Variants in DUSP22 observed in about 807,000 individuals in gnomAD.
DUSP22 encodes dual specificity phosphatase 22.
DUSP22 carries 24 observed loss-of-function variants against 24.5 expected under a neutral mutation model. The observed-to-expected ratio is 0.98, with a 90% confidence interval of 0.71 to 1.38. The LOEUF is 1.38. Among genes scored for constraint, DUSP22 ranks in the 40% most tolerant of loss-of-function variants. DUSP22 has a pLI of 0.00. For synonymous variants in DUSP22, 160 were observed against 106.4 expected (o/e 1.50, Z -3.10); for missense variants, 330 against 269.2 (o/e 1.23, Z -1.58).
intron 3 of DUSP22, among the ~76,000 whole-genome samples, chr6:316,912 T>C (rs990269604): frequency 6.6e-6 from 1 of 152,306 alleles, no homozygotes; most frequent in African/African-American, 2.4e-5. Flanking sequence ...ATTGTATGTA[T>C]ATACCAGGTA....
intron 1 of DUSP22, among the ~76,000 whole-genome samples, chr6:298,847 C>T (rs1429280371): frequency 2.0e-5 from 3 of 152,296 alleles, no homozygotes; most frequent in African/African-American, 4.8e-5. Context: ...CATTAGGAGA[C>T]AAGACAGATG....
chr6:311,771 A>G, intron 2 of DUSP22, 109 bp from the exon 3 acceptor site: 1 of 1,229,898 alleles, frequency 8.1e-7, no homozygotes, highest in South Asian at 1.6e-5. Flanking sequence ...AAGTTTCAGG[A>G]AAGAAATATG....
intron 1 of DUSP22, among the ~76,000 whole-genome samples, chr6:299,483 G>C (rs1224221831): frequency 2.6e-5 from 4 of 152,296 alleles, no homozygotes; most frequent in Admixed American, 6.5e-5. Context: ...CTTTTATTTA[G>C]TCTCCTTGAA....
intron 1 of DUSP22, among the ~76,000 whole-genome samples, chr6:293,859 G>T (rs1757206032): frequency 7.3e-6 from 1 of 137,170 alleles, no homozygotes; most frequent in South Asian, 2.2e-4. Context: ...CTCTCTCTTG[G>T]ATAAATACTT....
At chr6:347,298 T>C (rs1759930193) in intron 5 of DUSP22, among the ~76,000 whole-genome samples, 1 of 152,304 alleles carries the variant, frequency 6.6e-6, no homozygotes, top group South Asian at 2.1e-4. Flanking sequence ...TTTGAATATG[T>C]GTAGGCCTGA....
intron 3 of DUSP22, among the ~76,000 whole-genome samples, chr6:333,251 C>T (rs1350627868): frequency 2.6e-5 from 4 of 152,300 alleles, no homozygotes; most frequent in Admixed American, 2.6e-4. Context: ...TGCTGCCTCA[C>T]TTTCCTCTTC....
chr6:343,887 C>G (rs1307216504), intron 4 of DUSP22, among the ~76,000 whole-genome samples: 1 of 152,304 alleles, frequency 6.6e-6, no homozygotes, highest in Non-Finnish European at 1.5e-5. Flanking sequence ...TACAGTTTAT[C>G]AGAGTCCCTG....
At chr6:301,923 A>G (rs1429853970) in intron 1 of DUSP22, among the ~76,000 whole-genome samples, 3 of 152,308 alleles carry the variant, frequency 2.0e-5, no homozygotes, top group Admixed American at 6.5e-5. Flanking sequence ...TTAATTTTAA[A>G]GATAATATAA....
chr6:319,212 G>A (rs1758474807), intron 3 of DUSP22, among the ~76,000 whole-genome samples: 1 of 152,298 alleles, frequency 6.6e-6, no homozygotes, highest in African/African-American at 2.4e-5. Flanking sequence ...TGAAGACAGT[G>A]GGAGAAAGAA....
At position 311,864 on chromosome 6, in the gene DUSP22, C is replaced by G; in HGVS notation, c.56-16C>G. 6.2e-7 allele frequency: 1 copy of G among 1,610,096 alleles called. No homozygotes were observed. The highest frequency in any genetic ancestry group is 8.5e-7 in the Non-Finnish European group (1 of 1,177,776). ...GCAAAGATATCAAAATGTCCATCCC[C>G]TTTCTTCTCTGACAGATGCCAGAGA... is the stretch of plus-strand genomic sequence containing the variant. On this transcript the variant is annotated splice_polypyrimidine_tract_variant and intron_variant, in intron 2 of 6. Transcript: ENST00000419235.
At chr6:345,769 A>G in intron 4 of DUSP22, 85 bp from the exon 5 acceptor site, 3 of 1,511,576 alleles carry the variant, frequency 2.0e-6, no homozygotes, top group South Asian at 2.4e-5. Context: ...TAACATTTTA[A>G]GAAAGAAGCC....
intron 3 of DUSP22, among the ~76,000 whole-genome samples, chr6:327,422 C>T (rs981997829): frequency 6.6e-5 from 10 of 152,410 alleles, no homozygotes; most frequent in South Asian, 4.1e-4. Context: ...GCTGTCAGGG[C>T]GCATTGGGTT....
intron 1 of DUSP22, among the ~76,000 whole-genome samples, 160 bp from the exon 2 acceptor site, chr6:304,468 C>T (rs1757729398): frequency 6.6e-6 from 1 of 152,310 alleles, no homozygotes; most frequent in Non-Finnish European, 1.5e-5. Context: ...CTTCCACAGG[C>T]CGCTGGGGAT....
chr6:307,455 T>G (rs1757861690), intron 2 of DUSP22, among the ~76,000 whole-genome samples: 1 of 152,308 alleles, frequency 6.6e-6, no homozygotes, highest in Non-Finnish European at 1.5e-5. Context: ...GCCTGGTGAT[T>G]TTTGCTCCTG....
intron 3 of DUSP22, among the ~76,000 whole-genome samples, chr6:313,313 C>T (rs981464817): frequency 1.4e-4 from 22 of 152,414 alleles, no homozygotes; most frequent in African/African-American, 5.3e-4. Flanking sequence ...GTCATGTGTG[C>T]ACATGACCCT....
Position 304,669 on chromosome 6 carries a change from C to A in DUSP22, c.55+8C>A. On this transcript the variant is annotated splice_region_variant and intron_variant, in intron 2 of 6. Coordinates refer to ENST00000419235, the MANE Select transcript of DUSP22 (RefSeq NM_001286555.3). ...ACATCGGCAACTTCAAAGGTGAGTT[C>A]TTGCTTTTTTATTGTTGTGATAAAA... is the stretch of plus-strand genomic sequence containing the variant. 2 of 1,614,208 alleles carry A rather than the reference C, an allele frequency of 1.2e-6. No individual in the cohort carries two copies. The highest frequency in any genetic ancestry group is 3.3e-4 in the Middle Eastern group (2 of 6,060).
At chr6:317,553 C>T (rs146155365) in intron 3 of DUSP22, among the ~76,000 whole-genome samples, 136 of 152,350 alleles carry the variant, frequency 8.9e-4, no homozygotes, top group South Asian at 1.7e-3. Context: ...CTCAGGACTT[C>T]GGCCCCTTTT....
chr6:344,458 T>G (rs1561681186), intron 4 of DUSP22, among the ~76,000 whole-genome samples: 1 of 152,284 alleles, frequency 6.6e-6, no homozygotes, highest in Admixed American at 6.5e-5. Flanking sequence ...GCTAATTTTT[T>G]TTTGGTATTT....
At chr6:327,245 A>G (rs1758922176) in intron 3 of DUSP22, among the ~76,000 whole-genome samples, 1 of 152,304 alleles carries the variant, frequency 6.6e-6, no homozygotes, top group Admixed American at 6.5e-5. Context: ...AATGCCCAGC[A>G]TCTTTGCCTT....
Sources: gnomAD v4.1 joint callset for allele counts (sites outside exome capture counted in the v4.1 genomes callset) on GRCh38, gnomAD v4.1.1 for gene constraint, MANE v1.5 for transcripts, NCBI Gene and HGNC (gene_info 2026-07-23, HGNC 2026-07-21) for gene names.